PTPN3: variants seen among roughly 807,000 people sequenced by gnomAD.
The protein encoded by PTPN3 is tyrosine-protein phosphatase non-receptor type 3.
Under a neutral mutation model 132.7 loss-of-function variants are expected in PTPN3, and 96 were observed. That is an observed-to-expected ratio of 0.72 (90% CI 0.61 to 0.86). The LOEUF (loss-of-function observed/expected upper bound fraction) is 0.86. Ranked by LOEUF, PTPN3 falls within the 40% of genes least tolerant of loss-of-function variation. PTPN3 has a pLI of 0.00. For missense variants in PTPN3, 1,125 were observed against 1,159.6 expected, an observed-to-expected ratio of 0.97 and a Z score of 0.43; for synonymous variants, 398 against 429.0, an observed-to-expected ratio of 0.93 and a Z score of 0.89.
chr9:109,419,503 G>A (rs1842747927), intron 14 of PTPN3, among the ~76,000 whole-genome samples: 1 of 152,212 alleles, frequency 6.6e-6, no homozygotes, highest in South Asian at 2.1e-4. Context: ...CCTAACAGTT[G>A]ATCCTTTACT....
the PTPN3 span, among the ~76,000 whole-genome samples, chr9:109,514,261 T>G: frequency 6.6e-6 from 1 of 152,296 alleles, no homozygotes; most frequent in South Asian, 2.1e-4. Flanking sequence ...TGATAACATT[T>G]TAATGTTATT....
chr9:109,392,996 AT>A (rs1466104521), intron 19 of PTPN3: 1 of 152,238 alleles, frequency 6.6e-6, no homozygotes, highest in Non-Finnish European at 1.5e-5. Context: ...AAGTCAAGAC[AT>A]TTGGAAAACA....
intron 12 of PTPN3, 83 bp from the exon 13 acceptor site, chr9:109,422,935 T>G: frequency 6.6e-7 from 1 of 1,508,602 alleles, no homozygotes; most frequent in Non-Finnish European, 9.1e-7. Context: ...AGTCTACACA[T>G]GCTTCTTGTC....
intron 1 of PTPN3, among the ~76,000 whole-genome samples, chr9:109,484,783 C>T (rs1847135038): frequency 6.6e-6 from 1 of 152,162 alleles, no homozygotes; most frequent in Non-Finnish European, 1.5e-5. Flanking sequence ...TCCTGATTGT[C>T]CCAGGTGCAC....
chr9:109,502,110 C>T (rs1430315685), upstream of PTPN3, among the ~76,000 whole-genome samples: 3 of 152,172 alleles, frequency 2.0e-5, no homozygotes, highest in Admixed American at 2.0e-4. Context: ...GGACCAGATT[C>T]GTAAAAGAGG....
At chr9:109,426,679 A>C (rs1843305967) in intron 12 of PTPN3, among the ~76,000 whole-genome samples, 1 of 152,116 alleles carries the variant, frequency 6.6e-6, no homozygotes, top group Admixed American at 6.5e-5. Context: ...CATTTCCTTT[A>C]TTATGTCATG....
upstream of PTPN3, among the ~76,000 whole-genome samples, chr9:109,500,947 A>AG (rs1847857486): frequency 6.6e-6 from 1 of 151,490 alleles, no homozygotes; most frequent in Admixed American, 6.6e-5. Context: ...AAAAAAAAAA[A>AG]GCTAAAAACA....
chr9:109,444,623 A>T (rs1031521925), intron 7 of PTPN3, among the ~76,000 whole-genome samples: 1 of 151,500 alleles, frequency 6.6e-6, no homozygotes, highest in South Asian at 2.1e-4. Context: ...AATAAAACAT[A>T]AAAAACCTCC....
At chr9:109,497,551 T>G (rs1847724319) in intron 1 of PTPN3, among the ~76,000 whole-genome samples, 1 of 152,112 alleles carries the variant, frequency 6.6e-6, no homozygotes, top group Non-Finnish European at 1.5e-5. Context: ...CCATGAATTT[T>G]TAAGGCAACC....
At chr9:109,507,927 C>A in the PTPN3 span, among the ~76,000 whole-genome samples, 1 of 152,176 alleles carries the variant, frequency 6.6e-6, no homozygotes, top group African/African-American at 2.4e-5. Flanking sequence ...CTGAATGTCA[C>A]CCCCTGTCCA....
chr9:109,534,318 G>C, the PTPN3 span: 3 of 1,522,628 alleles, frequency 2.0e-6, no homozygotes, highest in Non-Finnish European at 1.8e-6. Context: ...GCTGGGTCTC[G>C]GCCTCGCTGC....
intron 16 of PTPN3, among the ~76,000 whole-genome samples, chr9:109,409,142 T>C (rs1316071635): frequency 6.6e-6 from 1 of 152,078 alleles, no homozygotes; most frequent in Non-Finnish European, 1.5e-5. Context: ...AACCCACCAG[T>C]AAACAAATGG....
chr9:109,481,316 T>C (rs1448723314), intron 1 of PTPN3, among the ~76,000 whole-genome samples: 1 of 152,046 alleles, frequency 6.6e-6, no homozygotes. Flanking sequence ...GAGAAATACA[T>C]GAGGTTAGTT....
chr9:109,520,724 G>A, the PTPN3 span, among the ~76,000 whole-genome samples: 2 of 152,142 alleles, frequency 1.3e-5, no homozygotes, highest in Admixed American at 6.5e-5. Context: ...TTAAATTCAC[G>A]TACGTTAAGG....
At chr9:109,464,923 T>G (rs190113365) in intron 1 of PTPN3, among the ~76,000 whole-genome samples, 2 of 152,084 alleles carry the variant, frequency 1.3e-5, no homozygotes, top group Non-Finnish European at 2.9e-5. Flanking sequence ...TTGTGTGTAG[T>G]GAGGGGAAGG....
intron 1 of PTPN3, among the ~76,000 whole-genome samples, chr9:109,476,203 T>C (rs1564476248): frequency 6.6e-6 from 1 of 152,128 alleles, no homozygotes; most frequent in Non-Finnish European, 1.5e-5. Context: ...TTATGCAGCC[T>C]ATTCAGATTT....
At chr9:109,461,471 T>A (rs1260235209) in intron 2 of PTPN3, among the ~76,000 whole-genome samples, 1 of 152,180 alleles carries the variant, frequency 6.6e-6, no homozygotes, top group East Asian at 1.9e-4. Flanking sequence ...ATACAAAATT[T>A]AAGCCAGGCA....
chr9:109,421,397 C>G (rs1158683628), intron 13 of PTPN3, among the ~76,000 whole-genome samples: 1 of 152,240 alleles, frequency 6.6e-6, no homozygotes, highest in African/African-American at 2.4e-5. Context: ...CATTTCTCCT[C>G]AGGACTGTCA....
rs1273870302 is a variant in PTPN3 at position 109,420,470 on chromosome 9, G to C, written c.1267C>G (p.Gln423Glu). The C allele has an allele frequency of 6.2e-7, 1 of 1,612,096 alleles. No individual in the cohort carries two copies. Among genetic ancestry groups the C allele is most frequent in the Admixed American group, 1.7e-5 (1 of 59,992 alleles). Residue 423 changes from glutamine (Q) to glutamate (E), a missense_variant, in exon 14 of 26, where the codon CAA (glutamine) becomes GAA (glutamate). Gln to Glu is a conservative substitution (Grantham distance 29). Transcript: ENST00000374541. Reference sequence around the variant, plus strand: ...TGAGAAACTTCAGAATCGCTGTCTTGAGGGGCCAGAGAGCCCTTGTACGTG... The same window carrying C: ...TGAGAAACTTCAGAATCGCTGTCTTCAGGGGCCAGAGAGCCCTTGTACGTG... ...FYTYKGSLAP[Q>E]DSDSEVSQNR... is the part of the protein sequence containing the mutation.
Sources: gnomAD v4.1 joint callset for allele counts (sites outside exome capture counted in the v4.1 genomes callset) on GRCh38, gnomAD v4.1.1 for gene constraint, MANE v1.5 for transcripts, NCBI Gene and HGNC (gene_info 2026-07-23, HGNC 2026-07-21) for gene names.